The following MDH1B variants were observed in gnomAD, a reference collection of about 807,000 sequenced individuals.
The protein encoded by MDH1B is malate dehydrogenase 1B.
MDH1B carries 60 observed loss-of-function variants against 61.4 expected under a neutral mutation model. The ratio of observed to expected loss-of-function variants is 0.98; its 90% CI spans 0.79 to 1.21. The LOEUF (loss-of-function observed/expected upper bound fraction) is 1.21, where lower values mean the gene tolerates loss of function less well. Among genes scored for constraint, MDH1B ranks in the 50% most tolerant of loss-of-function variants. The pLI is 0.00. For missense variants in MDH1B, 587 were observed against 632.1 expected, an observed-to-expected ratio of 0.93 and a Z score of 0.76; for synonymous variants, 236 against 218.7, an observed-to-expected ratio of 1.08 and a Z score of -0.70.
At chr2:206,744,950 AAT>A (rs199895755) in intron 9 of MDH1B, among the ~76,000 whole-genome samples, 2 of 147,592 alleles carry the variant, frequency 1.4e-5, no homozygotes. Flanking sequence ...AAATAAATAA[AAT>A]ATATATATAT....
chr2:206,756,758 T>G (rs769472505), intron 4 of MDH1B, 140 bp downstream of exon 4: 1 of 748,466 alleles, frequency 1.3e-6, no homozygotes, highest in Non-Finnish European at 2.2e-6. Context: ...TATGTATATG[T>G]GTATACATAT....
chr2:206,750,647 C>T lies in MDH1B; in HGVS notation c.1052+287G>A, dbSNP rs530866160. ...CTGGATAGATAGCTCTGTCTTTACA[C>T]GAAGTAAGATTCCCTTATACATGCT... On this transcript the variant is annotated intron_variant, in intron 6 of 11. Transcript: ENST00000374412. 3.9e-5 allele frequency among the ~76,000 whole-genome samples: 6 copies of T among 151,962 alleles called. No homozygotes were observed. Among genetic ancestry groups the T allele is most frequent in the Non-Finnish European group, 7.4e-5 (5 of 67,986 alleles).
chr2:206,749,396 T>G (rs756728921), intron 6 of MDH1B, among the ~76,000 whole-genome samples: 1 of 152,122 alleles, frequency 6.6e-6, no homozygotes, highest in Non-Finnish European at 1.5e-5. Context: ...AGTCCCAAGA[T>G]GTCAAACTAA....
At chr2:206,758,961 TTG>T (rs58539235) in intron 2 of MDH1B, among the ~76,000 whole-genome samples, 63 of 117,828 alleles carry the variant, frequency 5.3e-4, no homozygotes, top group African/African-American at 2.2e-3. Flanking sequence ...CCAAGGCTGT[TTG>T]TTTTTTTTTT....
chr2:206,755,409 G>T lies in MDH1B; in HGVS notation c.510C>A (p.Asn170Lys), dbSNP rs755837550. ...HTEISITLFD[N>K]KQAEEHLKSL... ...TTTTGAGATGTTCTTCCGCCTGCTT[G>T]TTGTCAAATAGAGTTATGCTAATTT... Residue 170 changes from asparagine to lysine, a missense_variant, in exon 5 of 12, where the codon AAC becomes AAA. Physicochemically the swap from Asn to Lys is moderately conservative, Grantham distance 94. Transcript: ENST00000374412. The T allele has an allele frequency of 2.5e-6, 4 of 1,614,214 alleles. No individual in the cohort carries two copies. The highest frequency in any genetic ancestry group is 1.1e-5 in the South Asian group (1 of 91,086).
chr2:206,754,607 C>T (rs1021253063), intron 5 of MDH1B, among the ~76,000 whole-genome samples: 3 of 152,100 alleles, frequency 2.0e-5, no homozygotes, highest in Non-Finnish European at 4.4e-5. Flanking sequence ...AGGAAACTGA[C>T]GCACTGAAAG....
intron 6 of MDH1B, among the ~76,000 whole-genome samples, chr2:206,750,375 CTGCTT>C (rs895825194): frequency 7.0e-6 from 1 of 142,522 alleles, no homozygotes; most frequent in African/African-American, 2.6e-5. Flanking sequence ...TACAGAGAGG[CTGCTT>C]AGCCTCTCTG....
At chr2:206,757,198 G>T in intron 3 of MDH1B, 39 bp downstream of exon 3, 1 of 1,553,406 alleles carries the variant, frequency 6.4e-7, no homozygotes, top group Non-Finnish European at 8.8e-7. Context: ...TAATGTAAGA[G>T]AATTATCATT....
At chr2:206,756,698 C>A in intron 4 of MDH1B, 200 bp downstream of exon 4, 10 of 541,462 alleles carry the variant, frequency 1.8e-5, no homozygotes, top group Non-Finnish European at 1.9e-5. Context: ...AAACATAAAA[C>A]TCATTTATGA....
At chr2:206,744,524 T>G (rs1364781324) in intron 9 of MDH1B, among the ~76,000 whole-genome samples, 1 of 152,098 alleles carries the variant, frequency 6.6e-6, no homozygotes, top group Non-Finnish European at 1.5e-5. Context: ...TTCTTATGAG[T>G]GGAGAAAATA....
At chr2:206,749,858 GC>G (rs1275303639) in intron 6 of MDH1B, among the ~76,000 whole-genome samples, 1 of 152,228 alleles carries the variant, frequency 6.6e-6, no homozygotes, top group African/African-American at 2.4e-5. Context: ...AGTTTTTGGT[GC>G]ATTTCAGATT....
chr2:206,759,191 G>C (rs1263817893), intron 2 of MDH1B, among the ~76,000 whole-genome samples: 1 of 151,988 alleles, frequency 6.6e-6, no homozygotes, highest in Non-Finnish European at 1.5e-5. Context: ...GTGTCCACGT[G>C]TTCTTATCAT....
intron 8 of MDH1B, among the ~76,000 whole-genome samples, chr2:206,745,939 G>T (rs1465981174): frequency 2.6e-5 from 4 of 151,782 alleles, no homozygotes; most frequent in Non-Finnish European, 1.5e-5. Flanking sequence ...TCTCCATGTT[G>T]GTCAGGCTGG....
At chr2:206,761,393 G>A (rs1368675930) in intron 1 of MDH1B, among the ~76,000 whole-genome samples, 1 of 152,134 alleles carries the variant, frequency 6.6e-6, no homozygotes, top group East Asian at 1.9e-4. Context: ...TTGAAGTGAG[G>A]AGTGGTGGTA....
intron 8 of MDH1B, 98 bp downstream of exon 8, chr2:206,746,189 A>T (rs551178197): frequency 4.6e-6 from 5 of 1,095,858 alleles, no homozygotes; most frequent in Middle Eastern, 2.6e-4. Flanking sequence ...TTAAAAAAAA[A>T]TTTGAATCCA....
intron 9 of MDH1B, among the ~76,000 whole-genome samples, chr2:206,745,145 A>T (rs1225834949): frequency 2.0e-5 from 3 of 152,108 alleles, no homozygotes; most frequent in African/African-American, 7.2e-5. Context: ...AAAGATGGAC[A>T]TGTGAAGAGG....
chr2:206,740,920 T>C (rs909638224), intron 10 of MDH1B, 134 bp downstream of exon 10: 2 of 1,230,456 alleles, frequency 1.6e-6, no homozygotes, highest in Non-Finnish European at 2.2e-6. Flanking sequence ...AAAGTGTTTG[T>C]GAAGCATATG....
intron 5 of MDH1B, among the ~76,000 whole-genome samples, chr2:206,751,578 C>T (rs753062043): frequency 4.6e-5 from 7 of 152,170 alleles, no homozygotes; most frequent in Non-Finnish European, 7.4e-5. Flanking sequence ...GTAAGAGGAC[C>T]CTGGGCAACA....
chr2:206,740,916 T>G, intron 10 of MDH1B, 138 bp downstream of exon 10: 1 of 1,212,822 alleles, frequency 8.2e-7, no homozygotes, highest in Non-Finnish European at 1.1e-6. Context: ...TTTCAAAGTG[T>G]TTGTGAAGCA....
Sources: gnomAD v4.1 joint callset for allele counts (sites outside exome capture counted in the v4.1 genomes callset) on GRCh38, gnomAD v4.1.1 for gene constraint, MANE v1.5 for transcripts, NCBI Gene and HGNC (gene_info 2026-07-23, HGNC 2026-07-21) for gene names.